ANKRD44: variants seen among roughly 807,000 people sequenced by gnomAD.
ANKRD44 encodes ankyrin repeat domain 44.
Under a neutral mutation model 116.0 loss-of-function variants are expected in ANKRD44, and 35 were observed. The ratio of observed to expected loss-of-function variants is 0.30; its 90% CI spans 0.23 to 0.40. The LOEUF is 0.40. Among genes scored for constraint, ANKRD44 ranks in the 10% least tolerant of loss-of-function variants. ANKRD44 has a pLI of 1.00. For synonymous variants in ANKRD44, 435 were observed against 461.8 expected (o/e 0.94, Z 0.74); for missense variants, 1,014 against 1,242.6 (o/e 0.82, Z 2.77).
intron 1 of ANKRD44, among the ~76,000 whole-genome samples, chr2:197,253,122 T>G (rs993125630): frequency 6.6e-6 from 1 of 152,182 alleles, no homozygotes; most frequent in Non-Finnish European, 1.5e-5. Flanking sequence ...AAAATAAAAG[T>G]CAAAAAAACA....
chr2:197,025,647 A>G (rs1405898736), intron 16 of ANKRD44, among the ~76,000 whole-genome samples: 2 of 152,240 alleles, frequency 1.3e-5, no homozygotes, highest in African/African-American at 2.4e-5. Context: ...AGATAAATAA[A>G]TATAAAAATA....
intron 2 of ANKRD44, among the ~76,000 whole-genome samples, chr2:197,170,176 CA>C (rs2080193999): frequency 1.0e-5 from 1 of 98,800 alleles, no homozygotes; most frequent in Non-Finnish European, 1.9e-5. Context: ...GGCGATAGAA[CA>C]AGACCCTGTT....
At chr2:197,257,890 C>T (rs1158107996) in intron 1 of ANKRD44, among the ~76,000 whole-genome samples, 1 of 152,118 alleles carries the variant, frequency 6.6e-6, no homozygotes, top group East Asian at 1.9e-4. Context: ...AATAACTTCC[C>T]ATTGCCTCCC....
At chr2:197,078,454 C>A in intron 16 of ANKRD44, 2 of 1,035,366 alleles carry the variant, frequency 1.9e-6, no homozygotes, top group Non-Finnish European at 2.6e-6. Context: ...TGCCTTATAT[C>A]GATGACTACC....
In ANKRD44 at chr2:197,212,038, AGTCTCTCTCTCTCT is replaced by A. The variant is rs1461183141; in HGVS notation, c.28-24946_28-24933del. ...TTCACTGAGCCTCTCTCTCTCTCTC[AGTCTCTCTCTCTCT>A]CACACACACACACACACACACACCC... On this transcript the variant is annotated intron_variant, in intron 1 of 27. Transcript: ENST00000282272. This position sits in a 1 kb window ranked among gnomAD's most constrained non-coding sequence, Gnocchi z 4.8. 1.2e-4 allele frequency among the ~76,000 whole-genome samples: 9 copies of A among 74,030 alleles called. No homozygotes were observed. Among genetic ancestry groups the A allele is most frequent in the African/African-American group, 2.9e-4 (7 of 24,112 alleles). The allele number at this position is 74,030 out of a possible 152,430, so 48.6% of individuals were successfully genotyped here. A position where few individuals can be genotyped will look rare whatever the true frequency, so the allele number is the denominator to read the frequency against.
chr2:197,306,819 A>T (rs2084087746), intron 1 of ANKRD44, among the ~76,000 whole-genome samples: 1 of 152,218 alleles, frequency 6.6e-6, no homozygotes, highest in Admixed American at 6.5e-5. Context: ...GTGAACTAGG[A>T]CTTGGCAAGG....
At chr2:197,026,325 T>C (rs571320451) in intron 16 of ANKRD44, among the ~76,000 whole-genome samples, 2 of 152,278 alleles carry the variant, frequency 1.3e-5, no homozygotes, top group South Asian at 2.1e-4. Flanking sequence ...CAAGGTGCTA[T>C]GGTAGAGAAG....
chr2:197,234,174 T>C (rs113149375), intron 1 of ANKRD44, among the ~76,000 whole-genome samples: 7 of 152,168 alleles, frequency 4.6e-5, no homozygotes, highest in African/African-American at 1.4e-4. Context: ...ATTAACTGTA[T>C]GTGCAGTCAT....
At chr2:197,164,575 A>G (rs908409245) in intron 2 of ANKRD44, among the ~76,000 whole-genome samples, 15 of 152,150 alleles carry the variant, frequency 9.9e-5, no homozygotes, top group African/African-American at 3.1e-4. Flanking sequence ...CGGAGCCGGG[A>G]GCATGCGCGG....
intron 1 of ANKRD44, among the ~76,000 whole-genome samples, chr2:197,247,643 A>G (rs1177161159): frequency 6.6e-6 from 1 of 152,184 alleles, no homozygotes; most frequent in African/African-American, 2.4e-5. Context: ...GACTGAGGCC[A>G]TATTATTCCC....
chr2:197,288,208 G>GTTTC (rs2083461857), intron 1 of ANKRD44, among the ~76,000 whole-genome samples: 9 of 152,092 alleles, frequency 5.9e-5, no homozygotes, highest in South Asian at 2.1e-4. Flanking sequence ...GAGAAACACT[G>GTTTC]TTACTTACAT....
At chr2:197,114,745 A>G (rs2078668735) in intron 8 of ANKRD44, among the ~76,000 whole-genome samples, 1 of 152,220 alleles carries the variant, frequency 6.6e-6, no homozygotes, top group Non-Finnish European at 1.5e-5. Context: ...GCTCTATGGG[A>G]TAACATTAAG....
intron 1 of ANKRD44, among the ~76,000 whole-genome samples, chr2:197,307,535 G>A (rs2105930698): frequency 8.4e-6 from 1 of 118,924 alleles, no homozygotes; most frequent in South Asian, 2.8e-4. Flanking sequence ...ATAGCTCCCA[G>A]TTCCTTTTTT....
intron 8 of ANKRD44, among the ~76,000 whole-genome samples, chr2:197,114,455 T>C (rs1466265435): frequency 6.6e-6 from 1 of 152,178 alleles, no homozygotes; most frequent in East Asian, 1.9e-4. Flanking sequence ...ACAACAAATA[T>C]TAGTACTCTT....
At chr2:197,099,298 A>C (rs1276469014) in intron 10 of ANKRD44, among the ~76,000 whole-genome samples, 2 of 152,120 alleles carry the variant, frequency 1.3e-5, no homozygotes, top group African/African-American at 2.4e-5. Context: ...GAGCGCCTTG[A>C]AACTAGGTAA....
At chr2:197,026,074 C>T (rs62185250) in intron 16 of ANKRD44, among the ~76,000 whole-genome samples, 2,143 of 137,274 alleles carry the variant, frequency 0.016, 26 homozygotes, top group Non-Finnish European at 0.025. Context: ...CCTTTCTGGG[C>T]AATTTGTGCA....
At chr2:197,191,994 C>T (rs915471523) in intron 1 of ANKRD44, among the ~76,000 whole-genome samples, 1 of 152,058 alleles carries the variant, frequency 6.6e-6, no homozygotes, top group African/African-American at 2.4e-5. Flanking sequence ...TCAGACACAC[C>T]CTCCATTTAA....
chr2:197,245,473 G>C (rs1475237068), intron 1 of ANKRD44, among the ~76,000 whole-genome samples: 1 of 152,136 alleles, frequency 6.6e-6, no homozygotes, highest in Non-Finnish European at 1.5e-5. Context: ...ATACCCCATG[G>C]ATACCAAGGG....
chr2:197,134,282 C>T (rs1336335429), intron 4 of ANKRD44: 1 of 152,130 alleles, frequency 6.6e-6, no homozygotes, highest in African/African-American at 2.4e-5. Context: ...AACTGTCCAA[C>T]TTGCTGTGAC....
Sources: allele counts gnomAD v4.1 joint callset (sites outside exome capture counted in the v4.1 genomes callset), GRCh38; gene constraint gnomAD v4.1.1; non-coding constraint Gnocchi (gnomAD v3.1); transcripts MANE v1.5; gene names NCBI Gene and HGNC (gene_info 2026-07-23, HGNC 2026-07-21).